The following THSD7B variants were observed in gnomAD, a reference collection of about 807,000 sequenced individuals.
THSD7B encodes the protein thrombospondin type 1 domain containing 7B, also known as thrombospondin type-1 domain-containing protein 7B.
THSD7B carries 138 observed loss-of-function variants against 213.6 expected under a neutral mutation model. That is an observed-to-expected ratio of 0.65 (90% CI 0.56 to 0.74). The LOEUF (loss-of-function observed/expected upper bound fraction) is 0.74, where lower values mean the gene tolerates loss of function less well. Ranked by LOEUF, THSD7B falls within the 30% of genes least tolerant of loss-of-function variation. The pLI, the probability that THSD7B is intolerant of heterozygous loss-of-function variation, is 0.00. For synonymous variants in THSD7B, 742 were observed against 687.0 expected, an observed-to-expected ratio of 1.08 and a Z score of -1.25; for missense variants, 1,931 against 1,991.5, an observed-to-expected ratio of 0.97 and a Z score of 0.58.
chr2:136,780,454 T>C (rs557230986), intron 1 of THSD7B, among the ~76,000 whole-genome samples: 8 of 152,342 alleles, frequency 5.3e-5, no homozygotes, highest in African/African-American at 1.7e-4. Context: ...ATTCAGATAA[T>C]AGCTCTGTGT....
At chr2:137,063,077 A>G (rs1010727578) in intron 3 of THSD7B, among the ~76,000 whole-genome samples, 4 of 151,400 alleles carry the variant, frequency 2.6e-5, no homozygotes, top group African/African-American at 7.3e-5. Context: ...ATCCCTGACA[A>G]TTTTCTTTGC....
chr2:137,570,091 T>C (rs1192450912), intron 16 of THSD7B, among the ~76,000 whole-genome samples: 3 of 151,884 alleles, frequency 2.0e-5, no homozygotes, highest in Non-Finnish European at 4.4e-5. Flanking sequence ...CAGAAGAAAT[T>C]AAAGTCCATA....
At chr2:137,554,583 C>T (rs1188120884) in intron 15 of THSD7B, among the ~76,000 whole-genome samples, 4 of 152,120 alleles carry the variant, frequency 2.6e-5, no homozygotes, top group East Asian at 3.9e-4. Context: ...CCAAGATGGC[C>T]GAATAGGATC....
At chr2:137,627,261 C>T (rs1474696126) in intron 20 of THSD7B, among the ~76,000 whole-genome samples, 1 of 152,196 alleles carries the variant, frequency 6.6e-6, no homozygotes, top group Non-Finnish European at 1.5e-5. Flanking sequence ...TCACCTATGA[C>T]CCAAATACCT....
At chr2:136,928,583 A>G (rs2105043595) in intron 2 of THSD7B, among the ~76,000 whole-genome samples, 1 of 152,332 alleles carries the variant, frequency 6.6e-6, no homozygotes, top group South Asian at 2.1e-4. Context: ...AATTCTTGGT[A>G]TAAAAGGCAA....
At chr2:137,258,393 C>T (rs995881232) in intron 10 of THSD7B, among the ~76,000 whole-genome samples, 2 of 152,012 alleles carry the variant, frequency 1.3e-5, no homozygotes, top group Non-Finnish European at 2.9e-5. Context: ...CTCATTCCCT[C>T]TCAATGATCC....
intron 2 of THSD7B, among the ~76,000 whole-genome samples, chr2:136,916,654 C>A (rs956563128): frequency 1.7e-4 from 26 of 152,334 alleles, no homozygotes; most frequent in Middle Eastern, 3.4e-3. Context: ...CTGCTTCTCC[C>A]TGTGTATGAC....
intron 2 of THSD7B, among the ~76,000 whole-genome samples, chr2:136,891,704 C>G (rs1192921381): frequency 1.3e-5 from 2 of 152,138 alleles, no homozygotes; most frequent in Non-Finnish European, 2.9e-5. Flanking sequence ...TTTCCATGTT[C>G]TAGTTGATGA....
chr2:137,496,976 T>C (rs1679582965), intron 15 of THSD7B, among the ~76,000 whole-genome samples: 1 of 152,174 alleles, frequency 6.6e-6, no homozygotes, highest in Non-Finnish European at 1.5e-5. Flanking sequence ...GCAAATGTGA[T>C]TCTTTGTATG....
In THSD7B at chr2:136,819,302, A is replaced by G. The variant is rs562789017; in HGVS notation, c.-36+53615A>G. On this transcript the variant is annotated intron_variant, in intron 1 of 27. Coordinates refer to ENST00000409968, the MANE Select transcript of THSD7B (RefSeq NM_001316349.2). The stretch of plus-strand genomic sequence containing the variant: ...TCTGTTGTTTTTTCCTGCTCATTAC[A>G]TCTTCTTCCTTTCTTTACAATTAGG... Among the ~76,000 whole-genome samples, 337 of 152,204 alleles carry G rather than the reference A, an allele frequency of 2.2e-3. 9 individuals carry two copies. Among genetic ancestry groups the G allele is most frequent in the Non-Finnish European group, 5.7e-4 (39 of 68,010 alleles).
At chr2:137,339,589 A>G (rs1362113033) in intron 12 of THSD7B, among the ~76,000 whole-genome samples, 2 of 151,786 alleles carry the variant, frequency 1.3e-5, no homozygotes, top group Non-Finnish European at 3.0e-5. Context: ...GCTGTTGTTC[A>G]TAAATTGATC....
At chr2:137,039,743 G>T (rs1011949339) in intron 2 of THSD7B, among the ~76,000 whole-genome samples, 6 of 152,194 alleles carry the variant, frequency 3.9e-5, no homozygotes, top group African/African-American at 1.2e-4. Flanking sequence ...TCAGGATTTG[G>T]ACTAAAGCCT....
chr2:136,786,118 A>G (rs532171947), intron 1 of THSD7B, among the ~76,000 whole-genome samples: 2 of 152,230 alleles, frequency 1.3e-5, no homozygotes, highest in African/African-American at 4.8e-5. Context: ...TTACAGAAGC[A>G]GTCATATGCA....
At chr2:137,089,338 G>A (rs1687905672) in intron 3 of THSD7B, among the ~76,000 whole-genome samples, 1 of 148,568 alleles carries the variant, frequency 6.7e-6, no homozygotes. Context: ...GTGTGTATAT[G>A]TATATATACA....
intron 5 of THSD7B, among the ~76,000 whole-genome samples, chr2:137,131,190 T>A (rs1688724327): frequency 6.8e-6 from 1 of 147,876 alleles, no homozygotes; most frequent in Admixed American, 6.8e-5. Flanking sequence ...TTGAGAAGTG[T>A]CTGTTCATGT....
Position 137,534,045 on chromosome 2 carries a change from G to T in THSD7B, c.3139-29176G>T, listed in dbSNP as rs79997689. Among the ~76,000 whole-genome samples the T allele has an allele frequency of 2.9e-3, 428 of 147,630 alleles. 18 individuals carry two copies. The East Asian group carries it at 0.079, about 27-fold the overall frequency. On this transcript the variant is annotated intron_variant, in intron 15 of 27. Transcript: ENST00000409968. ...ACACACACACACACACACACACACA[G>T]ACTTCCTTTAACTGATGGGAAAGAG...
intron 9 of THSD7B, among the ~76,000 whole-genome samples, chr2:137,241,204 T>A (rs968165483): frequency 5.3e-5 from 8 of 152,206 alleles, no homozygotes; most frequent in Admixed American, 5.2e-4. Context: ...AATACAGAGC[T>A]CACACTATTA....
chr2:137,370,229 T>C (rs961396940), intron 12 of THSD7B, among the ~76,000 whole-genome samples: 2 of 152,160 alleles, frequency 1.3e-5, no homozygotes, highest in Non-Finnish European at 2.9e-5. Context: ...TTAATCTGTT[T>C]TATTCACTCA....
intron 2 of THSD7B, among the ~76,000 whole-genome samples, chr2:136,976,733 T>C (rs1558873733): frequency 2.0e-5 from 3 of 152,086 alleles, no homozygotes; most frequent in East Asian, 1.9e-4. Flanking sequence ...GCCATTCTCC[T>C]GCCTCAGCCT....
Sources: gnomAD v4.1 joint callset for allele counts (sites outside exome capture counted in the v4.1 genomes callset) on GRCh38, gnomAD v4.1.1 for gene constraint, MANE v1.5 for transcripts, NCBI Gene and HGNC (gene_info 2026-07-23, HGNC 2026-07-21) for gene names.